EXD3: variants seen among roughly 807,000 people sequenced by gnomAD.
EXD3 encodes exonuclease mut-7 homolog.
Under a neutral mutation model 98.0 loss-of-function variants are expected in EXD3, and 92 were observed. The observed-to-expected ratio is 0.94, with a 90% confidence interval of 0.79 to 1.12. EXD3 has a LOEUF of 1.12. Among genes scored for constraint, EXD3 ranks in the 50% most tolerant of loss-of-function variants. The pLI is 0.00. For synonymous variants in EXD3, 569 were observed against 526.0 expected (o/e 1.08, Z -1.12); for missense variants, 1,222 against 1,191.6 (o/e 1.03, Z -0.38).
intron 20 of EXD3, among the ~76,000 whole-genome samples, chr9:137,308,218 C>T (rs1588209394): frequency 6.6e-6 from 1 of 152,176 alleles, no homozygotes; most frequent in African/African-American, 2.4e-5. Context: ...CACTGGCCAG[C>T]AGGTGGGAGA....
chr9:137,317,738 C>G (rs1475630232), intron 19 of EXD3, among the ~76,000 whole-genome samples: 1 of 152,128 alleles, frequency 6.6e-6, no homozygotes, highest in African/African-American at 2.4e-5. Context: ...TAAGCCCCCT[C>G]AGGTGCCATC....
At chr9:137,338,341 A>T (rs1338668391) in intron 17 of EXD3, among the ~76,000 whole-genome samples, 1 of 152,226 alleles carries the variant, frequency 6.6e-6, no homozygotes, top group Non-Finnish European at 1.5e-5. Flanking sequence ...AGAACTAAAA[A>T]CAATGAAAAC....
At chr9:137,336,755 A>G (rs1445085590) in intron 17 of EXD3, among the ~76,000 whole-genome samples, 1 of 152,100 alleles carries the variant, frequency 6.6e-6, no homozygotes, top group African/African-American at 2.4e-5. Flanking sequence ...GGAAAGCAAT[A>G]GCAATAGAAT....
Position 137,307,616 on chromosome 9 carries a change from T to G in EXD3, c.2309A>C (p.Gln770Pro), listed in dbSNP as rs766188896. The change falls in exon 21 of 22, where the codon CAG (glutamine) becomes CCG (proline). Residue 770 changes from glutamine to proline, a missense_variant. Coordinates refer to ENST00000340951, the MANE Select transcript of EXD3 (RefSeq NM_017820.5). Reference protein sequence around the residue: ...GDEATQSQAVQEPGPAPDAAP... With the variant: ...GDEATQSQAVPEPGPAPDAAP... Reference sequence around the variant, plus strand: ...GCGGTCCCGGGGCTCACCTGGCTCCTGCACCGCCTGGCTCTGGGTGGCCTC... The same window carrying G: ...GCGGTCCCGGGGCTCACCTGGCTCCGGCACCGCCTGGCTCTGGGTGGCCTC... The G allele has an allele frequency of 9.9e-6, 16 of 1,610,072 alleles. No individual in the cohort carries two copies. Among genetic ancestry groups the G allele is most frequent in the Non-Finnish European group, 5.1e-6 (6 of 1,179,676 alleles).
chr9:137,355,570 T>TGGAGGAAGGAGGAAGGAGGAA (rs1834659536), intron 8 of EXD3, among the ~76,000 whole-genome samples: 1 of 3,854 alleles, frequency 2.6e-4, no homozygotes, highest in African/African-American at 1.4e-3. Context: ...GAAGGGAGGA[T>TGGAGGAAGGAGGAAGGAGGAA]GGAGGAAGGA....
In EXD3 at chr9:137,348,076, C is replaced by A; in HGVS notation, c.1993G>T (p.Ala665Ser). ...GACCCTCCCCGCAAACTCACCTCGG[C>A]CGCCCTGCGGTGGTCTTCACCATTG... Reference protein sequence around the residue: ...LGNGEDHRRAAEVARQEGRII... With the variant: ...LGNGEDHRRASEVARQEGRII... Residue 665 changes from alanine (A) to serine (S), a missense_variant, in exon 17 of 22, where the codon GCC becomes TCC. Coordinates refer to ENST00000340951, the MANE Select transcript of EXD3 (RefSeq NM_017820.5). 6.2e-7 allele frequency: 1 copy of A among 1,610,326 alleles called. No homozygotes were observed. The highest frequency in any genetic ancestry group is 8.5e-7 in the Non-Finnish European group (1 of 1,179,436).
intron 1 of EXD3, among the ~76,000 whole-genome samples, chr9:137,408,404 G>A (rs1178920718): frequency 6.6e-6 from 1 of 151,816 alleles, no homozygotes; most frequent in Non-Finnish European, 1.5e-5. Context: ...AAAATTTGCC[G>A]GGCGTGGTGG....
chr9:137,353,342 G>A, intron 10 of EXD3: 1 of 985,356 alleles, frequency 1.0e-6, no homozygotes, highest in South Asian at 4.7e-5. Flanking sequence ...CCCACCCCGG[G>A]TCCCAGGAGC....
At position 137,307,163 on chromosome 9, in the gene EXD3, G is replaced by T; in HGVS notation, c.2418C>A (p.Ala806=). 1 of 1,589,964 alleles carries T rather than the reference G, an allele frequency of 6.3e-7. No individual in the cohort carries two copies. Among genetic ancestry groups the T allele is most frequent in the Non-Finnish European group, 8.6e-7 (1 of 1,169,544 alleles). Residue 806 remains alanine, a synonymous_variant, in exon 22 of 22, where the codon GCC becomes GCA. Coordinates refer to ENST00000340951, the MANE Select transcript of EXD3 (RefSeq NM_017820.5). ...CTGCCAGCTGCAGCCGGGTGCCGTC[G>T]GCCAGCATGTCCGGTGTCTCCGCCC... ...DLRAETPDML[A]DGTRLQLAGV...
chr9:137,385,442 A>C lies in EXD3; in HGVS notation c.56-2065T>G, dbSNP rs968679219. Among the ~76,000 whole-genome samples the C allele has an allele frequency of 3.3e-5, 5 of 152,182 alleles. No homozygotes were observed. The highest frequency in any genetic ancestry group is 1.2e-4 in the African/African-American group (5 of 41,468). ...GGGCGGGGCGTGCTGTGGTGTGTTC[A>C]CGATCATGTGCCGAGCCGCATCATG... On this transcript the variant is annotated intron_variant, in intron 2 of 21. Coordinates refer to ENST00000340951, the MANE Select transcript of EXD3 (RefSeq NM_017820.5). The surrounding 1 kb of genome is among the most constrained non-coding windows in gnomAD (Gnocchi z 4.4).
chr9:137,391,644 C>T (rs1260993726), intron 2 of EXD3, among the ~76,000 whole-genome samples: 2 of 151,666 alleles, frequency 1.3e-5, no homozygotes, highest in Non-Finnish European at 1.5e-5. Flanking sequence ...CCTGCCCCGC[C>T]CCGCCCCGCC....
intron 2 of EXD3, among the ~76,000 whole-genome samples, chr9:137,384,273 C>T (rs533159136): frequency 1.1e-4 from 17 of 152,326 alleles, no homozygotes; most frequent in African/African-American, 3.4e-4. Flanking sequence ...CTGCCACACA[C>T]GCCAGAGAAG....
At chr9:137,421,231 G>A (rs192810786) in intron 1 of EXD3, among the ~76,000 whole-genome samples, 30 of 152,300 alleles carry the variant, frequency 2.0e-4, no homozygotes, top group Admixed American at 1.6e-3. Flanking sequence ...CACATTACCT[G>A]TCTGATGTGG....
intron 17 of EXD3, among the ~76,000 whole-genome samples, chr9:137,334,956 A>G (rs976291134): frequency 1.2e-4 from 18 of 152,222 alleles, no homozygotes; most frequent in African/African-American, 4.3e-4. Context: ...AGGCGCCTGT[A>G]GTCCCAGCTA....
Position 137,395,941 on chromosome 9 carries a change from G to A in EXD3, c.-47-537C>T, listed in dbSNP as rs1837197550. Among the ~76,000 whole-genome samples, 1 of 151,506 alleles carries A rather than the reference G, an allele frequency of 6.6e-6. No homozygotes were observed. Among genetic ancestry groups the A allele is most frequent in the Non-Finnish European group, 1.5e-5 (1 of 67,906 alleles). Reference sequence around the variant, plus strand: ...CAGGCAGACCTCAGTCTCCCTCAGAGTGTTTTTTTTTCTTTTCTTTCTTTC... The same window carrying A: ...CAGGCAGACCTCAGTCTCCCTCAGAATGTTTTTTTTTCTTTTCTTTCTTTC... On this transcript the variant is annotated intron_variant, in intron 1 of 21. Transcript: ENST00000340951. The surrounding 1 kb of genome is among the most constrained non-coding windows in gnomAD (Gnocchi z 6.5).
chr9:137,401,785 T>A (rs1463417363), intron 1 of EXD3, among the ~76,000 whole-genome samples: 1 of 152,134 alleles, frequency 6.6e-6, no homozygotes, highest in Non-Finnish European at 1.5e-5. Flanking sequence ...AAAACCACTT[T>A]TTCCTCCCGG....
intron 7 of EXD3, chr9:137,366,216 C>A: frequency 2.8e-6 from 2 of 702,866 alleles, no homozygotes; most frequent in Non-Finnish European, 5.2e-6. Context: ...GTTGCCATGC[C>A]TGCATGAGAA....
chr9:137,373,494 G>C lies in EXD3; in HGVS notation c.226C>G (p.Leu76Val), dbSNP rs547218342. 1 of 1,608,468 alleles carries C rather than the reference G, an allele frequency of 6.2e-7. No homozygotes were observed. The highest frequency in any genetic ancestry group is 1.1e-5 in the South Asian group (1 of 90,250). Residue 76 changes from leucine (L) to valine (V), a missense_variant, in exon 4 of 22, where the codon CTG becomes GTG. Leu to Val is a conservative substitution (Grantham distance 32, BLOSUM62 1). Transcript: ENST00000340951. ...AGCTGGTGGGAGATCCAGGCCGCCA[G>C]GGAGGGGCCCTCTCCCCGCTGGCCC... ...CRGQRGEGPS[L>V]AAWISHQLQC...
At chr9:137,396,821 C>T (rs934229237) in intron 1 of EXD3, among the ~76,000 whole-genome samples, 14 of 152,238 alleles carry the variant, frequency 9.2e-5, no homozygotes, top group African/African-American at 2.9e-4. Context: ...CTGCAAACGA[C>T]GTAAAACTGG....
Sources: gnomAD v4.1 joint callset for allele counts (sites outside exome capture counted in the v4.1 genomes callset) on GRCh38, gnomAD v4.1.1 for gene constraint, Gnocchi (gnomAD v3.1) non-coding constraint, MANE v1.5 for transcripts, NCBI Gene and HGNC (gene_info 2026-07-23, HGNC 2026-07-21) for gene names.